The following RANBP2 variants were observed in gnomAD, a reference collection of about 807,000 sequenced individuals.
RANBP2 encodes the protein RAN binding protein 2, also known as E3 SUMO-protein ligase RanBP2.
Under a neutral mutation model 303.6 loss-of-function variants are expected in RANBP2, and 57 were observed. The ratio of observed to expected loss-of-function variants is 0.19; its 90% CI spans 0.15 to 0.23. RANBP2 has a LOEUF of 0.23. Ranked by LOEUF, RANBP2 falls within the 10% of genes least tolerant of loss-of-function variation. The pLI is 1.00. For missense variants in RANBP2, 3,138 were observed against 3,780.8 expected, an observed-to-expected ratio of 0.83 and a Z score of 4.46; for synonymous variants, 1,167 against 1,301.5, an observed-to-expected ratio of 0.90 and a Z score of 2.23.
the RANBP2 span, among the ~76,000 whole-genome samples, chr2:108,863,685 TATC>T: frequency 6.6e-6 from 1 of 152,250 alleles, no homozygotes; most frequent in Non-Finnish European, 1.5e-5. Context: ...TTGTTATGTT[TATC>T]ATCATTATTT....
At chr2:109,449,214 G>A in the RANBP2 span, 10 of 1,613,408 alleles carry the variant, frequency 6.2e-6, 1 homozygote, top group African/African-American at 6.7e-5. Context: ...AACTGCCACC[G>A]TGTCACCCCT....
the RANBP2 span, among the ~76,000 whole-genome samples, chr2:109,570,300 G>A: frequency 1.3e-5 from 2 of 151,948 alleles, no homozygotes; most frequent in Non-Finnish European, 2.9e-5. Context: ...ATTTCATTTT[G>A]GTTTGAATGA....
the RANBP2 span, among the ~76,000 whole-genome samples, chr2:109,438,403 C>T: frequency 6.6e-6 from 1 of 152,118 alleles, no homozygotes; most frequent in African/African-American, 2.4e-5. Flanking sequence ...CTTCAGGTGC[C>T]CAGTGTTCAG....
At chr2:109,413,790 G>A in the RANBP2 span, among the ~76,000 whole-genome samples, 1 of 152,232 alleles carries the variant, frequency 6.6e-6, no homozygotes, top group South Asian at 2.1e-4. Flanking sequence ...GAATGGGACA[G>A]AAACCAGGGG....
At chr2:109,131,011 T>TA in the RANBP2 span, among the ~76,000 whole-genome samples, 86 of 152,054 alleles carry the variant, frequency 5.7e-4, no homozygotes, top group Non-Finnish European at 8.7e-4. Flanking sequence ...ACTTAAATGT[T>TA]AAAAAAAATA....
At chr2:108,980,979 C>T in the RANBP2 span, among the ~76,000 whole-genome samples, 3,867 of 62,084 alleles carry the variant, frequency 0.062, 96 homozygotes, top group African/African-American at 0.11. Flanking sequence ...CGGACTAGAC[C>T]GTGGGAATGA....
chr2:109,036,970 C>CTGTA, the RANBP2 span, among the ~76,000 whole-genome samples: 1 of 152,166 alleles, frequency 6.6e-6, no homozygotes, highest in East Asian at 1.9e-4. Context: ...ATGGTGAGAC[C>CTGTA]TCGTCTCTAA....
chr2:108,856,431 T>C, the RANBP2 span, among the ~76,000 whole-genome samples: 1 of 152,232 alleles, frequency 6.6e-6, no homozygotes, highest in Non-Finnish European at 1.5e-5. Flanking sequence ...AGAAAGCTAT[T>C]ATAGAGATAG....
the RANBP2 span, among the ~76,000 whole-genome samples, chr2:109,376,988 A>G: frequency 2.6e-5 from 4 of 152,362 alleles, no homozygotes; most frequent in Admixed American, 2.6e-4. Flanking sequence ...GCCAGCACAT[A>G]CCCCAGACAG....
chr2:109,270,636 G>A, the RANBP2 span, among the ~76,000 whole-genome samples: 1 of 152,150 alleles, frequency 6.6e-6, no homozygotes, highest in Admixed American at 6.5e-5. Flanking sequence ...AGAGATACTG[G>A]GTGCTAAGCA....
At chr2:109,135,667 TG>T in the RANBP2 span, among the ~76,000 whole-genome samples, 144 of 152,020 alleles carry the variant, frequency 9.5e-4, 1 homozygote, top group African/African-American at 3.4e-3. Flanking sequence ...TGGATGTGCA[TG>T]GGGGGGTGTG....
the RANBP2 span, among the ~76,000 whole-genome samples, chr2:109,081,717 T>C: frequency 2.6e-5 from 4 of 152,286 alleles, no homozygotes; most frequent in South Asian, 8.3e-4. Flanking sequence ...GCTCTGGCAC[T>C]TGAGCAACCC....
chr2:108,797,934 G>T, the RANBP2 span, among the ~76,000 whole-genome samples: 2 of 149,670 alleles, frequency 1.3e-5, no homozygotes, highest in Non-Finnish European at 3.0e-5. Context: ...CCATGAATTC[G>T]CAATGGGGCC....
the RANBP2 span, among the ~76,000 whole-genome samples, chr2:108,862,863 T>C: frequency 9.2e-5 from 14 of 152,280 alleles, no homozygotes; most frequent in Admixed American, 9.2e-4. Context: ...GCTATGTTTA[T>C]CTGTTTAAAA....
chr2:109,160,817 T>A, the RANBP2 span, among the ~76,000 whole-genome samples: 7 of 152,030 alleles, frequency 4.6e-5, no homozygotes, highest in African/African-American at 1.7e-4. Flanking sequence ...AGAGGTGCAT[T>A]TGGGGACAGT....
At chr2:109,764,653 A>C in the RANBP2 span, among the ~76,000 whole-genome samples, 1 of 148,120 alleles carries the variant, frequency 6.8e-6, no homozygotes, top group Non-Finnish European at 1.5e-5. Flanking sequence ...TGGAGGATGG[A>C]AAGAGGAAAA....
At chr2:109,398,973 C>A in the RANBP2 span, 1 of 1,582,822 alleles carries the variant, frequency 6.3e-7, no homozygotes, top group Non-Finnish European at 8.6e-7. Context: ...GGCAGGCATC[C>A]CTGGGTTCTC....
At chr2:108,805,724 CAAA>C in the RANBP2 span, among the ~76,000 whole-genome samples, 1 of 135,358 alleles carries the variant, frequency 7.4e-6, no homozygotes, top group Non-Finnish European at 1.6e-5. Context: ...GAGACTGTCT[CAAA>C]AAAAAAAAAA....
At chr2:109,449,526 G>T in the RANBP2 span, 13 of 1,598,916 alleles carry the variant, frequency 8.1e-6, no homozygotes, top group Non-Finnish European at 1.1e-5. Context: ...TGGGCTCGAG[G>T]CCAGCTGCTT....
Sources: gnomAD v4.1 joint callset for allele counts (sites outside exome capture counted in the v4.1 genomes callset) on GRCh38, gnomAD v4.1.1 for gene constraint, MANE v1.5 for transcripts, NCBI Gene and HGNC (gene_info 2026-07-23, HGNC 2026-07-21) for gene names.